HPSE2: variants seen among roughly 807,000 people sequenced by gnomAD.
HPSE2 encodes the protein inactive heparanase-2.
In HPSE2, 38 loss-of-function variants were observed where a neutral mutation model predicts 60.5. The observed-to-expected ratio is 0.63, with a 90% CI of 0.48 to 0.82. The LOEUF (loss-of-function observed/expected upper bound fraction) is 0.82, where lower values mean the gene tolerates loss of function less well. HPSE2 is among the 40% of genes least tolerant of loss of function. The probability of loss-of-function intolerance (pLI) is 0.00; values close to 1 mark genes in which losing one functional copy is unlikely to be tolerated. For missense variants in HPSE2, 713 were observed against 740.4 expected, an observed-to-expected ratio of 0.96 and a Z score of 0.43; for synonymous variants, 295 against 293.2, an observed-to-expected ratio of 1.01 and a Z score of -0.06.
intron 2 of HPSE2, among the ~76,000 whole-genome samples, chr10:99,195,810 T>C (rs1848376451): frequency 6.6e-6 from 1 of 151,278 alleles, no homozygotes; most frequent in Admixed American, 6.6e-5. Context: ...TTCAATGCAA[T>C]CCCTATCAAA....
intron 9 of HPSE2, among the ~76,000 whole-genome samples, chr10:98,534,525 C>T (rs1454445834): frequency 6.6e-6 from 1 of 152,162 alleles, no homozygotes; most frequent in Non-Finnish European, 1.5e-5. Context: ...CAGCCTCAGC[C>T]TCCCAAGTAG....
At chr10:98,696,106 C>A (rs2134175944) in intron 5 of HPSE2, among the ~76,000 whole-genome samples, 1 of 151,646 alleles carries the variant, frequency 6.6e-6, no homozygotes, top group African/African-American at 2.4e-5. Flanking sequence ...CTCAGATATT[C>A]CAAAAATTAA....
At chr10:98,902,014 G>A (rs983058029) in intron 3 of HPSE2, among the ~76,000 whole-genome samples, 1 of 152,034 alleles carries the variant, frequency 6.6e-6, no homozygotes, top group Non-Finnish European at 1.5e-5. Flanking sequence ...CAACATCTAG[G>A]TTTCCTAAAA....
chr10:98,682,913 G>A (rs1947822311), intron 6 of HPSE2, among the ~76,000 whole-genome samples: 1 of 152,112 alleles, frequency 6.6e-6, no homozygotes, highest in Non-Finnish European at 1.5e-5. Flanking sequence ...CTACAGTCAG[G>A]ACCATCAAGC....
intron 3 of HPSE2, among the ~76,000 whole-genome samples, chr10:98,869,831 T>C (rs912992468): frequency 2.0e-5 from 3 of 152,160 alleles, no homozygotes; most frequent in African/African-American, 7.2e-5. Context: ...TTCCGAAGTG[T>C]ATTGAGAGGC....
intron 9 of HPSE2, among the ~76,000 whole-genome samples, chr10:98,550,364 C>T (rs554089772): frequency 2.7e-4 from 41 of 152,126 alleles, no homozygotes; most frequent in African/African-American, 9.4e-4. Flanking sequence ...TAGTTCACTG[C>T]CTCACTGCAA....
chr10:98,905,286 A>C (rs1051416237), intron 3 of HPSE2, among the ~76,000 whole-genome samples: 2 of 151,390 alleles, frequency 1.3e-5, no homozygotes, highest in African/African-American at 4.9e-5. Context: ...CATTAGGTAT[A>C]TCTCCCAATG....
intron 3 of HPSE2, 39 bp downstream of exon 3, chr10:99,144,198 CT>C (rs1220960939): frequency 1.9e-6 from 3 of 1,606,138 alleles, no homozygotes; most frequent in African/African-American, 1.3e-5. Flanking sequence ...AAGTTACTAA[CT>C]GAATGCTCTA....
chr10:99,180,314 A>G (rs1307015378), intron 2 of HPSE2, among the ~76,000 whole-genome samples: 2 of 152,218 alleles, frequency 1.3e-5, no homozygotes, highest in African/African-American at 4.8e-5. Context: ...ATCAGAGTGA[A>G]CAGGCAACCT....
chr10:99,053,635 C>A (rs567215818), intron 3 of HPSE2, among the ~76,000 whole-genome samples: 1 of 151,408 alleles, frequency 6.6e-6, no homozygotes, highest in South Asian at 2.1e-4. Flanking sequence ...ATGATTACAA[C>A]CCTTGAAAGA....
chr10:98,734,247 AT>A (rs1303189255), intron 4 of HPSE2, among the ~76,000 whole-genome samples: 1 of 152,176 alleles, frequency 6.6e-6, no homozygotes, highest in Non-Finnish European at 1.5e-5. Context: ...TTATCAAGTC[AT>A]CAATTGATGG....
chr10:98,701,620 C>T (rs1360665570), intron 5 of HPSE2, among the ~76,000 whole-genome samples: 1 of 145,532 alleles, frequency 6.9e-6, no homozygotes, highest in East Asian at 2.1e-4. Context: ...TGCACATGTA[C>T]CCTAAAACTT....
chr10:98,553,121 A>G (rs754465891), intron 9 of HPSE2, among the ~76,000 whole-genome samples: 1 of 152,204 alleles, frequency 6.6e-6, no homozygotes, highest in Non-Finnish European at 1.5e-5. Context: ...GTGAGTACAC[A>G]CTTGTTTCCA....
At chr10:98,465,746 C>CT (rs1564897878) in intron 11 of HPSE2, among the ~76,000 whole-genome samples, 4 of 152,106 alleles carry the variant, frequency 2.6e-5, no homozygotes, top group African/African-American at 9.7e-5. Context: ...CTAAATGGCT[C>CT]GTGACTTTTT....
At chr10:99,072,948 A>G (rs1177722372) in intron 3 of HPSE2, among the ~76,000 whole-genome samples, 4 of 100,700 alleles carry the variant, frequency 4.0e-5, no homozygotes, top group Non-Finnish European at 7.0e-5. Context: ...AAAAAAAAAA[A>G]AAAAAAAAAA....
At chr10:98,859,729 C>T (rs916766950) in intron 3 of HPSE2, among the ~76,000 whole-genome samples, 1 of 152,076 alleles carries the variant, frequency 6.6e-6, no homozygotes, top group African/African-American at 2.4e-5. Flanking sequence ...TGAAGTATAC[C>T]ACCAGCTTAC....
At chr10:98,746,197 G>GAAATACATTTAATTATTATTTTTACTTCC (rs1949624562) in intron 3 of HPSE2, among the ~76,000 whole-genome samples, 2 of 146,542 alleles carry the variant, frequency 1.4e-5, no homozygotes, top group African/African-American at 5.0e-5. Flanking sequence ...TCACATTCAG[G>GAAATACATTTAATTATTATTTTTACTTCC]AAATACATTT....
At chr10:99,304,868 C>G in the HPSE2 span, among the ~76,000 whole-genome samples, 1 of 152,168 alleles carries the variant, frequency 6.6e-6, no homozygotes, top group Admixed American at 6.5e-5. Context: ...ATTTAAGAAG[C>G]CTCAAACACA....
rs145879279 is a variant in HPSE2 at position 99,185,474 on chromosome 10, T to C, written c.449-41075A>G. 4.5e-4 allele frequency among the ~76,000 whole-genome samples: 69 copies of C among 152,002 alleles called. 1 individual carries two copies. The East Asian group carries it at 0.011, about 25-fold the overall frequency. On this transcript the variant is annotated intron_variant, in intron 2 of 11. Transcript: ENST00000370552. ...AAATGAAAAAGGCACATACAGGTAC[T>C]GAAAAATAGAAGTGGGGCTGCCAGG...
Sources: allele counts gnomAD v4.1 joint callset (sites outside exome capture counted in the v4.1 genomes callset), GRCh38; gene constraint gnomAD v4.1.1; transcripts MANE v1.5; gene names NCBI Gene and HGNC (gene_info 2026-07-23, HGNC 2026-07-21).